The following NDST3 variants were observed in gnomAD, a reference collection of about 807,000 sequenced individuals.
NDST3 encodes bifunctional heparan sulfate N-deacetylase/N-sulfotransferase 3.
Under a neutral mutation model 96.1 loss-of-function variants are expected in NDST3, and 58 were observed. The ratio of observed to expected loss-of-function variants is 0.60; its 90% CI spans 0.49 to 0.75. NDST3 has a LOEUF of 0.75. Among genes scored for constraint, NDST3 ranks in the 30% least tolerant of loss-of-function variants. The pLI, the probability that NDST3 is intolerant of heterozygous loss-of-function variation, is 0.00. For synonymous variants in NDST3, 333 were observed against 359.7 expected, an observed-to-expected ratio of 0.93 and a Z score of 0.84; for missense variants, 788 against 1,034.2, an observed-to-expected ratio of 0.76 and a Z score of 3.27.
chr4:118,193,592 T>TGCACA (rs1737460395), intron 6 of NDST3: 4 of 1,179,444 alleles, frequency 3.4e-6, no homozygotes, highest in Non-Finnish European at 5.1e-6. Context: ...GATCTGCTGC[T>TGCACA]GGCACACAGC....
chr4:118,040,931 T>C lies in NDST3; in HGVS notation c.-156+6339T>C, dbSNP rs1021073842. 9.0e-4 allele frequency among the ~76,000 whole-genome samples: 134 copies of C among 149,078 alleles called. 2 individuals are homozygous for C. Among genetic ancestry groups the C allele is most frequent in the African/African-American group, 3.1e-3 (126 of 40,536 alleles). On this transcript the variant is annotated intron_variant, in intron 1 of 13. Transcript: ENST00000296499. ...TATATAAAATTTTGTATATTTTTTG[T>C]AGAGATGGGGTTTCGCTGTGTTGCC...
chr4:118,035,641 A>G (rs947435264), intron 1 of NDST3, among the ~76,000 whole-genome samples: 1 of 151,952 alleles, frequency 6.6e-6, no homozygotes, highest in African/African-American at 2.4e-5. Flanking sequence ...AGTTTGAAGG[A>G]GGCTCCTTTT....
At chr4:118,068,166 CTTTT>C (rs34891564) in intron 2 of NDST3, among the ~76,000 whole-genome samples, 1 of 84,306 alleles carries the variant, frequency 1.2e-5, no homozygotes, top group Non-Finnish European at 2.2e-5. Flanking sequence ...TACTTGATCT[CTTTT>C]TTTTTTTTTT....
chr4:118,163,896 G>C (rs1735369664), intron 6 of NDST3, among the ~76,000 whole-genome samples: 1 of 152,078 alleles, frequency 6.6e-6, no homozygotes, highest in African/African-American at 2.4e-5. Flanking sequence ...TACACTGTTG[G>C]TGGTAATGTA....
intron 1 of NDST3, among the ~76,000 whole-genome samples, chr4:118,050,499 A>G (rs1251896497): frequency 6.6e-6 from 1 of 152,144 alleles, no homozygotes; most frequent in Non-Finnish European, 1.5e-5. Flanking sequence ...GGTCCCTAGA[A>G]CTGATAAATG....
chr4:118,190,339 G>T (rs982345358), intron 6 of NDST3, among the ~76,000 whole-genome samples: 1 of 151,856 alleles, frequency 6.6e-6, no homozygotes, highest in Non-Finnish European at 1.5e-5. Flanking sequence ...AAAAGTCAAG[G>T]TATATAGAAT....
In NDST3 at chr4:118,256,848, A is replaced by G. The variant is rs1439797890; in HGVS notation, c.*1136A>G. The G allele has an allele frequency of 6.6e-6, 1 of 152,222 alleles. No homozygotes were observed. Among genetic ancestry groups the G allele is most frequent in the East Asian group, 1.9e-4 (1 of 5,202 alleles). The allele number at this position is 152,222 out of a possible 1,614,324, so 9.4% of individuals were successfully genotyped here. A position where few individuals can be genotyped will look rare whatever the true frequency, so the allele number is the denominator to read the frequency against. ...GATTTATAACAAAAAACAAATTAAT[A>G]TATTATTTGTAATCTAATGTTTGCA... On this transcript the variant is annotated 3_prime_UTR_variant, in exon 14 of 14. Transcript: ENST00000296499.
intron 6 of NDST3, among the ~76,000 whole-genome samples, chr4:118,163,808 T>C (rs554214362): frequency 2.0e-5 from 3 of 152,050 alleles, no homozygotes; most frequent in Non-Finnish European, 4.4e-5. Context: ...GTGAGATACA[T>C]ACCAGTCAGA....
chr4:118,157,559 A>G lies in NDST3; in HGVS notation c.1539+13875A>G, dbSNP rs955939335. On this transcript the variant is annotated intron_variant, in intron 6 of 13. Transcript: ENST00000296499. ...TGCCTCAGCCTCCCGAGTAGTTAGG[A>G]CTACAGGTAGGTGCCACCATGCCCG... 7.9e-5 allele frequency among the ~76,000 whole-genome samples: 12 copies of G among 151,734 alleles called. No individual in the cohort carries two copies. The South Asian group carries it at 2.5e-3, about 32-fold the overall frequency.
upstream of NDST3, chr4:118,034,292 C>T (rs185899433): frequency 1.3e-5 from 2 of 152,322 alleles, no homozygotes; most frequent in Admixed American, 1.3e-4. Context: ...TTCGGGCATC[C>T]TGTTATTCAT....
intron 2 of NDST3, among the ~76,000 whole-genome samples, chr4:118,065,942 G>T (rs911634626): frequency 3.4e-5 from 5 of 148,236 alleles, no homozygotes; most frequent in Admixed American, 1.4e-4. Flanking sequence ...AGTAGAATCA[G>T]ATTTCTGGGA....
chr4:118,143,757 A>G (rs1578719506), intron 6 of NDST3, 73 bp downstream of exon 6: 1 of 1,492,450 alleles, frequency 6.7e-7, no homozygotes, highest in African/African-American at 1.4e-5. Flanking sequence ...CAAAGAGGCT[A>G]GGGATTGGGC....
chr4:118,217,639 C>G (rs1333452566), intron 6 of NDST3, among the ~76,000 whole-genome samples: 1 of 151,864 alleles, frequency 6.6e-6, no homozygotes, highest in Admixed American at 6.6e-5. Flanking sequence ...GGATCTAAGT[C>G]AAGGAGAAAG....
chr4:118,178,897 G>A (rs573973370), intron 6 of NDST3, among the ~76,000 whole-genome samples: 3 of 152,030 alleles, frequency 2.0e-5, no homozygotes, highest in African/African-American at 7.2e-5. Context: ...GATTATTTTA[G>A]TATTGCCAAA....
intron 7 of NDST3, 102 bp downstream of exon 7, chr4:118,224,775 T>C (rs2125994774): frequency 9.6e-7 from 1 of 1,045,256 alleles, no homozygotes; most frequent in Non-Finnish European, 1.3e-6. Context: ...AAAACCTGCA[T>C]TTTGGAAATG....
intron 2 of NDST3, among the ~76,000 whole-genome samples, chr4:118,065,405 A>C (rs1255640346): frequency 2.0e-5 from 3 of 152,122 alleles, no homozygotes; most frequent in African/African-American, 7.2e-5. Flanking sequence ...CAGGAGGTTA[A>C]ACATGGGGGA....
chr4:118,078,777 C>T (rs1727787872), intron 2 of NDST3, among the ~76,000 whole-genome samples: 1 of 150,946 alleles, frequency 6.6e-6, no homozygotes, highest in African/African-American at 2.4e-5. Context: ...GGGTCCAAAT[C>T]TCAAGTCTGC....
chr4:118,211,552 T>C (rs558091069), intron 6 of NDST3, among the ~76,000 whole-genome samples: 1 of 152,306 alleles, frequency 6.6e-6, no homozygotes, highest in Non-Finnish European at 1.5e-5. Flanking sequence ...ACTTTTGAAA[T>C]TTGGGAGCCT....
At chr4:118,047,808 A>T (rs1724855460) in intron 1 of NDST3, among the ~76,000 whole-genome samples, 1 of 152,174 alleles carries the variant, frequency 6.6e-6, no homozygotes, top group South Asian at 2.1e-4. Context: ...GCAACTGGGA[A>T]AATATATTTG....
Sources: allele counts gnomAD v4.1 joint callset (sites outside exome capture counted in the v4.1 genomes callset), GRCh38; gene constraint gnomAD v4.1.1; transcripts MANE v1.5; gene names NCBI Gene and HGNC (gene_info 2026-07-23, HGNC 2026-07-21).